PCDHGB5: variants seen among roughly 807,000 people sequenced by gnomAD.
The protein encoded by PCDHGB5 is protocadherin gamma subfamily B, 5, also known as protocadherin gamma-B5.
PCDHGB5 carries 48 observed loss-of-function variants against 62.9 expected under a neutral mutation model. That is an observed-to-expected ratio of 0.76 (90% CI 0.61 to 0.97). The LOEUF (loss-of-function observed/expected upper bound fraction) is 0.97, where lower values mean the gene tolerates loss of function less well. Among genes scored for constraint, PCDHGB5 ranks in the 50% least tolerant of loss-of-function variants. The pLI, the probability that PCDHGB5 is intolerant of heterozygous loss-of-function variation, is 0.00. For synonymous variants in PCDHGB5, 474 were observed against 511.2 expected (o/e 0.93, Z 0.98); for missense variants, 1,118 against 1,198.6 (o/e 0.93, Z 0.99).
At chr5:141,423,885 A>G in intron 1 of PCDHGB5, 6 of 1,277,816 alleles carry the variant, frequency 4.7e-6, no homozygotes, top group Non-Finnish European at 5.9e-6. Flanking sequence ...ATCTTGGCAT[A>G]TTTTCTTTTG....
rs373591066 is a variant in PCDHGB5, at chr5:141,404,487, G to A, written c.2397+3963G>A. On this transcript the variant is annotated intron_variant, in intron 1 of 3. Transcript: ENST00000617380. The stretch of plus-strand genomic sequence containing the variant: ...TATGTCTCTATTAACTCAGACACTG[G>A]TGTGCTGTATGCTCTGTGCTCCTTT... 6.8e-6 allele frequency: 11 copies of A among 1,613,722 alleles called. No homozygotes were observed. Among genetic ancestry groups the A allele is most frequent in the Admixed American group, 1.7e-5 (1 of 60,008 alleles).
Position 141,431,151 on chromosome 5 carries a change from C to A in PCDHGB5, c.2397+30627C>A, listed in dbSNP as rs764416448. On this transcript the variant is annotated intron_variant, in intron 1 of 3. Transcript: ENST00000617380. This position sits in a 1 kb window ranked among gnomAD's most constrained non-coding sequence, Gnocchi z 4.8. Reference sequence around the variant, plus strand: ...GTAAGGGACATTAACGACAATGCGCCTTACTTTCGTGAAAGTGAATTAGAA... The same window carrying A: ...GTAAGGGACATTAACGACAATGCGCATTACTTTCGTGAAAGTGAATTAGAA... 7.4e-6 allele frequency: 12 copies of A among 1,614,126 alleles called. No individual in the cohort carries two copies. Among genetic ancestry groups the A allele is most frequent in the Middle Eastern group, 1.6e-4 (1 of 6,084 alleles).
In PCDHGB5 at chr5:141,511,067, C is replaced by T. The variant is rs760786015; in HGVS notation, c.2666C>T (p.Pro889Leu). The change falls in exon 4 of 4, where the codon CCA (proline) becomes CTA (leucine). Residue 889 changes from proline (P) to leucine (L), a missense_variant. Pro to Leu is a moderately conservative substitution (Grantham distance 98). Coordinates refer to ENST00000617380, the MANE Select transcript of PCDHGB5 (RefSeq NM_018925.3). ...VPDYRQNVYI[P>L]GSNATLTNAA... ...GACTACCGCCAGAATGTCTACATCC[C>T]AGGCAGCAATGCCACACTGACCAAC... 7.4e-6 allele frequency: 12 copies of T among 1,614,136 alleles called. No homozygotes were observed. Among genetic ancestry groups the T allele is most frequent in the African/African-American group, 1.3e-5 (1 of 74,942 alleles).
chr5:141,415,740 GTTTTTTTTT>G (rs57426385), intron 1 of PCDHGB5: 9,508 of 621,550 alleles, frequency 0.015, 13 homozygotes, highest in Non-Finnish European at 0.016. Context: ...GTTTATTAAG[GTTTTTTTTT>G]TTTTTTTTTT....
At chr5:141,464,422 TATAG>T (rs2099083887) in intron 1 of PCDHGB5, among the ~76,000 whole-genome samples, 1 of 151,672 alleles carries the variant, frequency 6.6e-6, no homozygotes, top group African/African-American at 2.4e-5. Context: ...TATCTATATA[TATAG>T]ATATATATGT....
In PCDHGB5 at chr5:141,491,681, C is replaced by A; in HGVS notation, c.2398-3126C>A. The A allele has an allele frequency of 6.2e-7, 1 of 1,613,458 alleles. No individual in the cohort carries two copies. Among genetic ancestry groups the A allele is most frequent in the Non-Finnish European group, 8.5e-7 (1 of 1,179,804 alleles). ...GACGCCATCCGGTCCCGCTCTAATA[C>A]GCTGCGGGAGCGGAGCCAGGTGAGG... On this transcript the variant is annotated intron_variant, in intron 1 of 3. Coordinates refer to ENST00000617380, the MANE Select transcript of PCDHGB5 (RefSeq NM_018925.3). This position sits in a 1 kb window ranked among gnomAD's most constrained non-coding sequence, Gnocchi z 6.9.
At position 141,486,634 on chromosome 5, in the gene PCDHGB5, T is replaced by C; in HGVS notation, c.2398-8173T>C. 1 of 1,613,762 alleles carries C rather than the reference T, an allele frequency of 6.2e-7. No individual in the cohort carries two copies. The highest frequency in any genetic ancestry group is 8.5e-7 in the Non-Finnish European group (1 of 1,180,044). ...CCTCTGACCCAGACTCTGGCTTGAA[T>C]GCGCTTATCTCCTACTCACTCCTGG... On this transcript the variant is annotated intron_variant, in intron 1 of 3. Coordinates refer to ENST00000617380, the MANE Select transcript of PCDHGB5 (RefSeq NM_018925.3). The surrounding 1 kb of genome is among the most constrained non-coding windows in gnomAD (Gnocchi z 5.0).
rs530261329 is a variant in PCDHGB5, at chr5:141,440,076, A to G, written c.2397+39552A>G. 2.4e-4 allele frequency: 37 copies of G among 152,560 alleles called. No individual in the cohort carries two copies. In the South Asian group the frequency reaches 3.7e-3, roughly 15 times the overall value. The allele number at this position is 152,560 out of a possible 1,614,324, so 9.5% of individuals were successfully genotyped here. On this transcript the variant is annotated intron_variant, in intron 1 of 3. Coordinates refer to ENST00000617380, the MANE Select transcript of PCDHGB5 (RefSeq NM_018925.3). Reference sequence around the variant, plus strand: ...CTTCGGGTTAATGCTGAGGAATAATACTTCATTCTAAGTGGGGAAAGTGGA... The same window carrying G: ...CTTCGGGTTAATGCTGAGGAATAATGCTTCATTCTAAGTGGGGAAAGTGGA...
rs754329108 is a variant in PCDHGB5 at position 141,408,309 on chromosome 5, C to T, written c.2397+7785C>T. 1.8e-5 allele frequency: 29 copies of T among 1,613,698 alleles called. No individual in the cohort carries two copies. The highest frequency in any genetic ancestry group is 2.0e-5 in the Non-Finnish European group (24 of 1,179,730). On this transcript the variant is annotated intron_variant, in intron 1 of 3. Transcript: ENST00000617380. ...ACCCTGAGTGAGCCGATCCGCTACT[C>T]GATTCCGGAGGAGCTGGCCAAGGGC...
rs777487681 is a variant in PCDHGB5, at chr5:141,432,809, T to C, written c.2397+32285T>C. 2.5e-6 allele frequency: 4 copies of C among 1,613,280 alleles called. No individual in the cohort carries two copies. In the African/African-American group the frequency reaches 5.4e-5, roughly 22 times the overall value. The stretch of plus-strand genomic sequence containing the variant: ...CGGCAGCCTCGAGTCTCCAGCTAAC[T>C]CTGAAACCTCAGACCTCACTCTGTA... On this transcript the variant is annotated intron_variant, in intron 1 of 3. Coordinates refer to ENST00000617380, the MANE Select transcript of PCDHGB5 (RefSeq NM_018925.3). The surrounding 1 kb of genome is among the most constrained non-coding windows in gnomAD (Gnocchi z 6.0).
intron 1 of PCDHGB5, 157 bp from the exon 2 acceptor site, chr5:141,494,645 GTGTAT>G: frequency 1.1e-6 from 1 of 935,948 alleles, no homozygotes; most frequent in Non-Finnish European, 1.3e-6. Context: ...GAGACCTGAG[GTGTAT>G]TTTGTCTTTG....
Position 141,491,730 on chromosome 5 carries a change from C to A in PCDHGB5, c.2398-3077C>A, listed in dbSNP as rs1346666614. ...GGGGCTCGGCGCCGCCCCGGGCGAC[C>A]CCTGGGGGCGGCACTGGAGAAGCCG... On this transcript the variant is annotated intron_variant, in intron 1 of 3. Coordinates refer to ENST00000617380, the MANE Select transcript of PCDHGB5 (RefSeq NM_018925.3). This position sits in a 1 kb window ranked among gnomAD's most constrained non-coding sequence, Gnocchi z 6.9. 3.1e-6 allele frequency: 5 copies of A among 1,603,920 alleles called. No individual in the cohort carries two copies. The East Asian group carries it at 6.7e-5, about 22-fold the overall frequency.
rs914956962 is a variant in PCDHGB5, at chr5:141,420,736, A to G, written c.2397+20212A>G. Among the ~76,000 whole-genome samples, 4 of 152,370 alleles carry G rather than the reference A, an allele frequency of 2.6e-5. No individual in the cohort carries two copies. In the East Asian group the frequency reaches 7.7e-4, roughly 29 times the overall value. On this transcript the variant is annotated intron_variant, in intron 1 of 3. Coordinates refer to ENST00000617380, the MANE Select transcript of PCDHGB5 (RefSeq NM_018925.3). ...TCGTTCCTTTCAGTCGGTTAAAATC[A>G]ATTGGAACCAACTACAACCTACAAG...
At position 141,511,424 on chromosome 5, in the gene PCDHGB5, G is replaced by A. The variant is rs939906846; in HGVS notation, c.*251G>A. 10 of 810,392 alleles carry A rather than the reference G, an allele frequency of 1.2e-5. No homozygotes were observed. Among genetic ancestry groups the A allele is most frequent in the East Asian group, 3.0e-5 (1 of 33,800 alleles). The allele number at this position is 810,392 out of a possible 1,614,324, so 50.2% of individuals were successfully genotyped here. On this transcript the variant is annotated 3_prime_UTR_variant, in exon 4 of 4. Transcript: ENST00000617380. The stretch of plus-strand genomic sequence containing the variant: ...ATCAACTGCTGTACCCATGGGGGTA[G>A]TGGGGTTACTGTAGACACCAAGAAC...
At chr5:141,510,304 A>G (rs1030803209) in intron 3 of PCDHGB5, among the ~76,000 whole-genome samples, 1 of 151,732 alleles carries the variant, frequency 6.6e-6, no homozygotes, top group Non-Finnish European at 1.5e-5. Context: ...CTGTTTTGAA[A>G]TGGAGGCTTG....
rs1315225126 is a variant in PCDHGB5 at position 141,487,926 on chromosome 5, A to G, written c.2398-6881A>G. The G allele has an allele frequency of 2.2e-5, 14 of 626,676 alleles. No individual in the cohort carries two copies. Among genetic ancestry groups the G allele is most frequent in the Non-Finnish European group, 3.9e-5 (14 of 359,988 alleles). The allele number at this position is 626,676 out of a possible 1,614,324, so 38.8% of individuals were successfully genotyped here. ...GTGGGAGCACAGGAGGCTACAGTGC[A>G]CAGGGTACAGTGCACCAGGCAGTCA... On this transcript the variant is annotated intron_variant, in intron 1 of 3. Coordinates refer to ENST00000617380, the MANE Select transcript of PCDHGB5 (RefSeq NM_018925.3). The surrounding 1 kb of genome is among the most constrained non-coding windows in gnomAD (Gnocchi z 5.0).
chr5:141,442,870 T>A (rs942975420), intron 1 of PCDHGB5, among the ~76,000 whole-genome samples: 1 of 152,192 alleles, frequency 6.6e-6, no homozygotes, highest in African/African-American at 2.4e-5. Flanking sequence ...AGATGTAAAT[T>A]TACAACTCAG....
intron 3 of PCDHGB5, among the ~76,000 whole-genome samples, chr5:141,508,658 A>G (rs1420910010): frequency 2.0e-5 from 3 of 152,086 alleles, no homozygotes; most frequent in African/African-American, 4.8e-5. Flanking sequence ...CCTTCCTGTC[A>G]TTCTGTCTCT....
At chr5:141,416,253 A>G (rs1399251065) in intron 1 of PCDHGB5, 1 of 152,312 alleles carries the variant, frequency 6.6e-6, no homozygotes, top group Non-Finnish European at 1.5e-5. Flanking sequence ...AACTGATAAC[A>G]CTGCAGTATC....
Sources: gnomAD v4.1 joint callset for allele counts (sites outside exome capture counted in the v4.1 genomes callset) on GRCh38, gnomAD v4.1.1 for gene constraint, Gnocchi (gnomAD v3.1) non-coding constraint, MANE v1.5 for transcripts, NCBI Gene and HGNC (gene_info 2026-07-23, HGNC 2026-07-21) for gene names.